The following MTUS2 variants were observed in gnomAD, a reference collection of about 807,000 sequenced individuals.
MTUS2 encodes the protein microtubule-associated tumor suppressor candidate 2.
A neutral mutation model predicts 114.1 loss-of-function variants in MTUS2; 40 were observed. The observed-to-expected ratio is 0.35, with a 90% CI of 0.27 to 0.46. MTUS2 has a LOEUF of 0.46. Ranked by LOEUF, MTUS2 falls within the 20% of genes least tolerant of loss-of-function variation. MTUS2 has a pLI of 1.00. For synonymous variants in MTUS2, 688 were observed against 672.0 expected (o/e 1.02, Z -0.37); for missense variants, 1,679 against 1,705.4 (o/e 0.98, Z 0.27).
At chr13:29,373,177 T>C (rs1371203168) in intron 8 of MTUS2, among the ~76,000 whole-genome samples, 1 of 152,090 alleles carries the variant, frequency 6.6e-6, no homozygotes, top group Non-Finnish European at 1.5e-5. Context: ...GCTAATGAAG[T>C]CTCATTTTTC....
rs368055895 is a variant in MTUS2, at chr13:29,129,370, C to T, written c.2644+28400C>T. Among the ~76,000 whole-genome samples the T allele has an allele frequency of 2.4e-4, 36 of 152,116 alleles. 1 individual carries two copies. Among genetic ancestry groups the T allele is most frequent in the African/African-American group, 8.7e-4 (36 of 41,482 alleles). Reference sequence around the variant, plus strand: ...CATTTATAAAACGAACATTTGGGCTCATGATGGCAACCTTTCCCGAAGGTT... The same window carrying T: ...CATTTATAAAACGAACATTTGGGCTTATGATGGCAACCTTTCCCGAAGGTT... On this transcript the variant is annotated intron_variant, in intron 5 of 15. Transcript: ENST00000612955.
At chr13:29,271,069 C>T (rs906420157) in intron 5 of MTUS2, among the ~76,000 whole-genome samples, 4 of 152,192 alleles carry the variant, frequency 2.6e-5, no homozygotes, top group Admixed American at 2.0e-4. Context: ...TCAAATTCTT[C>T]TGGGGCCTGT....
intron 8 of MTUS2, among the ~76,000 whole-genome samples, chr13:29,394,959 G>A (rs982297954): frequency 6.6e-6 from 1 of 152,140 alleles, no homozygotes; most frequent in Non-Finnish European, 1.5e-5. Flanking sequence ...CCCCTTTCAC[G>A]AAATCAGTCC....
chr13:29,284,043 T>C (rs749553080), intron 6 of MTUS2, among the ~76,000 whole-genome samples: 3 of 152,178 alleles, frequency 2.0e-5, no homozygotes, highest in Non-Finnish European at 4.4e-5. Context: ...TTCTTTGACA[T>C]AATAGTCTCA....
chr13:28,999,332 G>A (rs1885274665), intron 2 of MTUS2, among the ~76,000 whole-genome samples: 1 of 152,138 alleles, frequency 6.6e-6, no homozygotes, highest in South Asian at 2.1e-4. Context: ...GGCTACTTGG[G>A]GGTCAGGGAC....
rs143409516 is a variant in MTUS2, at chr13:29,473,785, C to T, written c.3185-6365C>T. Among the ~76,000 whole-genome samples the T allele has an allele frequency of 6.4e-4, 97 of 152,196 alleles. 4 individuals carry two copies. In the East Asian group the frequency reaches 0.017, roughly 27 times the overall value. Reference sequence around the variant, plus strand: ...ATCTGATTATTTGAATATTTATTTTCTCAGCTCCCTAGATTGTAGGGGTTT... The same window carrying T: ...ATCTGATTATTTGAATATTTATTTTTTCAGCTCCCTAGATTGTAGGGGTTT... On this transcript the variant is annotated intron_variant, in intron 9 of 15. Transcript: ENST00000612955.
intron 8 of MTUS2, among the ~76,000 whole-genome samples, chr13:29,390,180 A>G (rs9670888): frequency 0.037 from 5,533 of 147,868 alleles, 446 homozygotes; most frequent in African/African-American, 0.13. Flanking sequence ...GTGTGTGTTT[A>G]TGAATATATA....
At chr13:28,983,758 T>A (rs888067414) in intron 2 of MTUS2, among the ~76,000 whole-genome samples, 1 of 152,258 alleles carries the variant, frequency 6.6e-6, no homozygotes, top group Non-Finnish European at 1.5e-5. Flanking sequence ...TTTTAACATC[T>A]GCTCAAGTTT....
At chr13:29,051,630 G>A (rs1298040368) in intron 4 of MTUS2, among the ~76,000 whole-genome samples, 1 of 152,176 alleles carries the variant, frequency 6.6e-6, no homozygotes, top group Non-Finnish European at 1.5e-5. Flanking sequence ...AGAAGAATAT[G>A]GTGTCCCGGA....
intron 2 of MTUS2, among the ~76,000 whole-genome samples, chr13:29,008,185 A>G (rs942681192): frequency 6.6e-6 from 1 of 152,130 alleles, no homozygotes; most frequent in Non-Finnish European, 1.5e-5. Context: ...TGATTGTGCC[A>G]AGTCAGTCAA....
At position 28,957,187 on chromosome 13, in the gene MTUS2, A is replaced by G. The variant is rs551903762; in HGVS notation, c.-242-67270A>G. The stretch of plus-strand genomic sequence containing the variant: ...CAACTTGGTACTTTGGCCCATTAGC[A>G]TGGGTGCTAATCAGTTGGTGTTAGT... On this transcript the variant is annotated intron_variant, in intron 2 of 15. Transcript: ENST00000612955. Among the ~76,000 whole-genome samples, 6 of 152,342 alleles carry G rather than the reference A, an allele frequency of 3.9e-5. No individual in the cohort carries two copies. The East Asian group carries it at 7.7e-4, about 20-fold the overall frequency.
chr13:29,242,104 A>T (rs1400513100), intron 5 of MTUS2, among the ~76,000 whole-genome samples: 1 of 152,226 alleles, frequency 6.6e-6, no homozygotes, highest in African/African-American at 2.4e-5. Context: ...TATATTTTAC[A>T]TATCATAAAA....
chr13:29,142,404 A>G (rs1218287116), intron 5 of MTUS2, among the ~76,000 whole-genome samples: 1 of 152,108 alleles, frequency 6.6e-6, no homozygotes, highest in African/African-American at 2.4e-5. Context: ...AATGCAAGCA[A>G]ATTAAAGAAG....
chr13:28,836,611 C>T (rs1875105263), intron 1 of MTUS2, among the ~76,000 whole-genome samples: 1 of 152,022 alleles, frequency 6.6e-6, no homozygotes, highest in Non-Finnish European at 1.5e-5. Flanking sequence ...TGGTAGTGGT[C>T]AGGAAGGGCT....
At chr13:29,160,730 A>G (rs1467029982) in intron 5 of MTUS2, among the ~76,000 whole-genome samples, 2 of 151,692 alleles carry the variant, frequency 1.3e-5, no homozygotes, top group Non-Finnish European at 2.9e-5. Flanking sequence ...AGACTGGGCC[A>G]CTGTACTCCA....
chr13:28,882,008 G>A (rs970811689), intron 2 of MTUS2, among the ~76,000 whole-genome samples: 1 of 152,170 alleles, frequency 6.6e-6, no homozygotes, highest in South Asian at 2.1e-4. Context: ...GGATATCCAT[G>A]TGCAGAACAT....
intron 5 of MTUS2, among the ~76,000 whole-genome samples, chr13:29,174,348 T>G (rs994306008): frequency 6.6e-6 from 1 of 152,186 alleles, no homozygotes; most frequent in Admixed American, 6.6e-5. Flanking sequence ...TTCTATTTAC[T>G]GTTTTACCCT....
Position 28,828,798 on chromosome 13 carries a change from A to G in MTUS2, c.-316+8187A>G, listed in dbSNP as rs1020597807. Among the ~76,000 whole-genome samples the G allele has an allele frequency of 1.1e-4, 17 of 152,212 alleles. 1 individual carries two copies. The highest frequency in any genetic ancestry group is 3.4e-4 in the African/African-American group (14 of 41,462). ...GCAAAAAATCCATAATGAACAAAAT[A>G]TCAAAATTTTAAAGGAAGACAGGAT... On this transcript the variant is annotated intron_variant, in intron 1 of 15. Coordinates refer to ENST00000612955, the MANE Select transcript of MTUS2 (RefSeq NM_001033602.4).
intron 5 of MTUS2, among the ~76,000 whole-genome samples, chr13:29,267,023 G>C (rs1056558134): frequency 6.6e-6 from 1 of 152,176 alleles, no homozygotes. Flanking sequence ...GCACAGGGAG[G>C]AGGAGGATCT....
Sources: allele counts gnomAD v4.1 joint callset (sites outside exome capture counted in the v4.1 genomes callset), GRCh38; gene constraint gnomAD v4.1.1; transcripts MANE v1.5; gene names NCBI Gene and HGNC (gene_info 2026-07-23, HGNC 2026-07-21).